OXR1: variants seen among roughly 807,000 people sequenced by gnomAD.
OXR1 encodes the protein oxidation resistance 1.
OXR1 carries 41 observed loss-of-function variants against 104.6 expected under a neutral mutation model. The observed-to-expected ratio is 0.39, with a 90% CI of 0.31 to 0.51. OXR1 has a LOEUF of 0.51. OXR1 is among the 20% of genes least tolerant of loss of function. OXR1 has a pLI of 0.77. For synonymous variants in OXR1, 348 were observed against 348.4 expected, an observed-to-expected ratio of 1.00 and a Z score of 0.01; for missense variants, 955 against 1,031.9, an observed-to-expected ratio of 0.93 and a Z score of 1.02.
intron 3 of OXR1, among the ~76,000 whole-genome samples, chr8:106,555,654 G>A (rs904839853): frequency 2.6e-5 from 4 of 151,958 alleles, no homozygotes; most frequent in Non-Finnish European, 1.5e-5. Flanking sequence ...AGACAGAGTA[G>A]TAGACAATTA....
chr8:106,497,687 C>T (rs1811502938), intron 2 of OXR1, among the ~76,000 whole-genome samples: 1 of 152,116 alleles, frequency 6.6e-6, no homozygotes, highest in Non-Finnish European at 1.5e-5. Flanking sequence ...TATTGAATGA[C>T]TCTGATGTTT....
At chr8:106,594,172 C>G (rs748478016) in intron 3 of OXR1, among the ~76,000 whole-genome samples, 4 of 152,050 alleles carry the variant, frequency 2.6e-5, no homozygotes, top group Non-Finnish European at 5.9e-5. Context: ...AGGGTGTATT[C>G]AATTGCTGAG....
At position 106,752,678 on chromosome 8, in the gene OXR1, A is replaced by C. The variant is rs1463120953; in HGVS notation, c.*1737A>C. ...ATAGTGGCATATACCAAATAAAATCAAATACAGAAATACAAATGAGTTTGG... is the reference window on the plus strand; with the variant it reads ...ATAGTGGCATATACCAAATAAAATCCAATACAGAAATACAAATGAGTTTGG... On this transcript the variant is annotated 3_prime_UTR_variant, in exon 17 of 17. Transcript: ENST00000517566. 6.6e-6 allele frequency: 1 copy of C among 152,566 alleles called. No individual in the cohort carries two copies. Among genetic ancestry groups the C allele is most frequent in the Non-Finnish European group, 1.5e-5 (1 of 67,970 alleles). 9.5% of individuals were successfully genotyped at this position (152,566 alleles called of 1,614,324 possible).
intron 3 of OXR1, among the ~76,000 whole-genome samples, chr8:106,644,019 GC>G (rs1217510734): frequency 6.6e-6 from 1 of 152,170 alleles, no homozygotes; most frequent in Non-Finnish European, 1.5e-5. Flanking sequence ...CATTTTATGA[GC>G]CTACATGTGT....
chr8:106,326,344 A>G (rs1814468298), intron 1 of OXR1, among the ~76,000 whole-genome samples: 1 of 152,254 alleles, frequency 6.6e-6, no homozygotes, highest in Admixed American at 6.5e-5. Flanking sequence ...ATGGATCTTA[A>G]ATGTTAACCT....
intron 11 of OXR1, among the ~76,000 whole-genome samples, chr8:106,734,773 G>A (rs940416314): frequency 6.6e-6 from 1 of 152,154 alleles, no homozygotes; most frequent in Non-Finnish European, 1.5e-5. Context: ...CTTTGTGAGG[G>A]TCCTTTGTCA....
chr8:106,579,963 A>G (rs1446925619), intron 3 of OXR1, among the ~76,000 whole-genome samples: 1 of 152,160 alleles, frequency 6.6e-6, no homozygotes, highest in East Asian at 1.9e-4. Context: ...CGCCAGCTGC[A>G]TAAAATCACT....
intron 2 of OXR1, among the ~76,000 whole-genome samples, chr8:106,429,121 C>A (rs905762751): frequency 6.6e-6 from 1 of 152,060 alleles, no homozygotes; most frequent in East Asian, 1.9e-4. Flanking sequence ...GTCCTGGGCT[C>A]GCGTTCTGCC....
intron 1 of OXR1, among the ~76,000 whole-genome samples, chr8:106,350,674 CTG>C (rs1815686090): frequency 6.6e-6 from 1 of 152,156 alleles, no homozygotes; most frequent in Admixed American, 6.6e-5. Context: ...TGTGCAAAGA[CTG>C]TATTTTCAGG....
chr8:106,707,515 A>G (rs1312188390), intron 9 of OXR1: 6 of 379,264 alleles, frequency 1.6e-5, no homozygotes, highest in Non-Finnish European at 2.3e-5. Context: ...GTCTTTTTTC[A>G]TATATAACAT....
intron 3 of OXR1, among the ~76,000 whole-genome samples, chr8:106,642,105 A>G (rs1823701886): frequency 6.6e-6 from 1 of 152,168 alleles, no homozygotes; most frequent in African/African-American, 2.4e-5. Flanking sequence ...ATTAAGAAGA[A>G]TGAGCTACAA....
At chr8:106,645,849 T>C (rs899040448) in intron 3 of OXR1, among the ~76,000 whole-genome samples, 14 of 152,266 alleles carry the variant, frequency 9.2e-5, no homozygotes, top group Middle Eastern at 3.4e-3. Flanking sequence ...ATTTGGACAA[T>C]TGATAAAAAT....
chr8:106,739,395 C>T lies in OXR1; in HGVS notation c.2038-63C>T, dbSNP rs1381463173. ...ATAAAGCTTTATTTATCTGAAAAGT[C>T]TGACAATTTTGAAAGCATGTCACAA... On this transcript the variant is annotated intron_variant, in intron 12 of 16. Coordinates refer to ENST00000517566, the MANE Select transcript of OXR1 (RefSeq NM_001198533.2). 1.6e-5 allele frequency: 23 copies of T among 1,440,182 alleles called. No individual in the cohort carries two copies. In the East Asian group the frequency reaches 4.8e-4, roughly 30 times the overall value. 89.2% of individuals were successfully genotyped at this position (1,440,182 alleles called of 1,614,324 possible).
chr8:106,532,528 A>G (rs1188663942), intron 3 of OXR1, among the ~76,000 whole-genome samples: 1 of 152,212 alleles, frequency 6.6e-6, no homozygotes, highest in Non-Finnish European at 1.5e-5. Context: ...GGCACACAGT[A>G]AGCACACAAT....
intron 2 of OXR1, among the ~76,000 whole-genome samples, chr8:106,472,139 G>C (rs1462969942): frequency 3.3e-5 from 5 of 151,738 alleles, no homozygotes; most frequent in East Asian, 3.9e-4. Context: ...AAAGAGTAAG[G>C]GTCAGTTATT....
chr8:106,719,281 A>G (rs1476948784), intron 11 of OXR1, among the ~76,000 whole-genome samples: 4 of 152,210 alleles, frequency 2.6e-5, no homozygotes, highest in African/African-American at 9.6e-5. Flanking sequence ...TGAGGTGAAG[A>G]TGAGGCAGAA....
intron 9 of OXR1, among the ~76,000 whole-genome samples, chr8:106,709,810 G>A (rs78244768): frequency 0.034 from 5,128 of 152,160 alleles, 131 homozygotes; most frequent in Middle Eastern, 0.088. Context: ...ATAAAATTAT[G>A]TAATAAATAT....
At chr8:106,461,782 T>C (rs548740187) in intron 2 of OXR1, among the ~76,000 whole-genome samples, 2 of 151,718 alleles carry the variant, frequency 1.3e-5, no homozygotes, top group African/African-American at 2.4e-5. Context: ...GTCACAAAAA[T>C]ATAAGGAATG....
chr8:106,615,607 CAA>C lies in OXR1; in HGVS notation c.221-63587_221-63586del, dbSNP rs34898459. Among the ~76,000 whole-genome samples the C allele has an allele frequency of 4.8e-3, 569 of 117,584 alleles. 6 individuals are homozygous for C. In the East Asian group the frequency reaches 0.056, roughly 12 times the overall value. The allele number at this position is 117,584 out of a possible 152,430, so 77.1% of individuals were successfully genotyped here. A position where few individuals can be genotyped will look rare whatever the true frequency, so the allele number is the denominator to read the frequency against. The stretch of plus-strand genomic sequence containing the variant: ...TTGGCAACAGAGACAGAATCTGTCT[CAA>C]AAAAAAAAAAAAAAAGGAAAAAAAT... On this transcript the variant is annotated intron_variant, in intron 3 of 16. Transcript: ENST00000517566.
Sources: allele counts gnomAD v4.1 joint callset (sites outside exome capture counted in the v4.1 genomes callset), GRCh38; gene constraint gnomAD v4.1.1; transcripts MANE v1.5; gene names NCBI Gene and HGNC (gene_info 2026-07-23, HGNC 2026-07-21).